CCDC141: variants seen among roughly 807,000 people sequenced by gnomAD.
CCDC141 encodes the protein coiled-coil domain containing 141, also known as coiled-coil domain-containing protein 141.
A neutral mutation model predicts 181.0 loss-of-function variants in CCDC141; 168 were observed. The observed-to-expected ratio is 0.93, with a 90% CI of 0.82 to 1.05. The LOEUF is 1.05. Ranked by LOEUF, CCDC141 falls within the 50% of genes least tolerant of loss-of-function variation. CCDC141 has a pLI of 0.00. For missense variants in CCDC141, 1,902 were observed against 1,788.5 expected, an observed-to-expected ratio of 1.06 and a Z score of -1.14; for synonymous variants, 666 against 642.3, an observed-to-expected ratio of 1.04 and a Z score of -0.56.
chr2:178,950,932 A>C lies in CCDC141; in HGVS notation c.781-6281T>G, dbSNP rs1241561645. ...TCTTCTCACGTCTATATTTCATGAA[A>C]AAATGGCACTAAGGACTTCCCTTCT... On this transcript the variant is annotated intron_variant, in intron 5 of 23. Coordinates refer to ENST00000443758, the MANE Select transcript of CCDC141 (RefSeq NM_173648.4). 2.6e-5 allele frequency among the ~76,000 whole-genome samples: 4 copies of C among 152,224 alleles called. No homozygotes were observed. In the East Asian group the frequency reaches 7.7e-4, roughly 29 times the overall value.
chr2:178,842,660 A>G (rs182576444), intron 22 of CCDC141, among the ~76,000 whole-genome samples: 70 of 152,364 alleles, frequency 4.6e-4, no homozygotes, highest in African/African-American at 1.3e-3. Flanking sequence ...TTTATCTTCC[A>G]AAATACCTCC....
chr2:178,878,185 T>G, intron 11 of CCDC141, 42 bp from the exon 12 acceptor site: 3 of 1,404,364 alleles, frequency 2.1e-6, no homozygotes, highest in Non-Finnish European at 2.9e-6. Context: ...TAAACACATT[T>G]TTTTAAAGAA....
intron 5 of CCDC141, 123 bp from the exon 6 acceptor site, chr2:178,944,774 A>C: frequency 2.3e-6 from 1 of 437,358 alleles, no homozygotes. Context: ...TATATAAACC[A>C]TCTCATGTAT....
At chr2:179,010,629 C>A (rs1415517161) in intron 2 of CCDC141, among the ~76,000 whole-genome samples, 1 of 152,146 alleles carries the variant, frequency 6.6e-6, no homozygotes, top group Non-Finnish European at 1.5e-5. Context: ...CAAGCCACCA[C>A]TACAGGAACT....
At chr2:178,916,501 A>G (rs1482129340) in intron 7 of CCDC141, among the ~76,000 whole-genome samples, 1 of 151,788 alleles carries the variant, frequency 6.6e-6, no homozygotes, top group East Asian at 1.9e-4. Context: ...TTCATCATTT[A>G]TTTTACTTAA....
chr2:178,834,514 G>T, intron 23 of CCDC141, 74 bp from the exon 24 acceptor site: 1 of 1,460,594 alleles, frequency 6.8e-7, no homozygotes, highest in Non-Finnish European at 9.2e-7. Context: ...AATAATGCTT[G>T]CAAATAGGCC....
At chr2:178,822,918 A>T in the CCDC141 span, among the ~76,000 whole-genome samples, 4 of 152,342 alleles carry the variant, frequency 2.6e-5, no homozygotes, top group South Asian at 8.3e-4. Flanking sequence ...ATGTTATTAA[A>T]ATAACCATGT....
chr2:179,044,563 G>A (rs2043423525), intron 2 of CCDC141, among the ~76,000 whole-genome samples: 1 of 152,204 alleles, frequency 6.6e-6, no homozygotes, highest in Non-Finnish European at 1.5e-5. Context: ...AAGTGAGGTA[G>A]CACAAGAGTT....
Position 178,978,621 on chromosome 2 carries a change from C to T in CCDC141, c.280G>A (p.Glu94Lys). The T allele has an allele frequency of 6.5e-7, 1 of 1,548,612 alleles. No homozygotes were observed. Among genetic ancestry groups the T allele is most frequent in the African/African-American group, 1.4e-5 (1 of 72,954 alleles). The part of the protein sequence containing the change: ...LLQEADKTAE[E>K]NKDQSQVYDA... ...TAGACCTGACTCTGATCCTTGTTCTCTTCAGCTGTCTTGTCTGCTTCCTGC... is the reference window on the plus strand; with the variant it reads ...TAGACCTGACTCTGATCCTTGTTCTTTTCAGCTGTCTTGTCTGCTTCCTGC... The change falls in exon 3 of 24, where the codon GAG (glutamate) becomes AAG (lysine). Residue 94 changes from glutamate (E) to lysine (K), a missense_variant. Glu to Lys is a moderately conservative substitution (Grantham distance 56). Transcript: ENST00000443758.
rs1691069615 is a variant in CCDC141, at chr2:178,975,262, C to A, written c.418-97G>T. 8 of 597,532 alleles carry A rather than the reference C, an allele frequency of 1.3e-5. No homozygotes were observed. The East Asian group carries it at 2.3e-4, about 17-fold the overall frequency. 37.0% of individuals were successfully genotyped at this position (597,532 alleles called of 1,614,324 possible). On this transcript the variant is annotated intron_variant, in intron 3 of 23. Transcript: ENST00000443758. Reference sequence around the variant, plus strand: ...GAGATGTTTTTCATAAATTAGTAGCCCAACTGAGGATGTGTGATTATGCAA... The same window carrying A: ...GAGATGTTTTTCATAAATTAGTAGCACAACTGAGGATGTGTGATTATGCAA...
At chr2:179,010,347 A>G (rs2042232259) in intron 2 of CCDC141, among the ~76,000 whole-genome samples, 1 of 152,224 alleles carries the variant, frequency 6.6e-6, no homozygotes, top group Admixed American at 6.5e-5. Context: ...GTGCATTGTC[A>G]TCAAGTTATC....
At position 178,836,987 on chromosome 2, in the gene CCDC141, A is replaced by T. The variant is rs1684502803; in HGVS notation, c.4232T>A (p.Phe1411Tyr). 9 of 1,613,898 alleles carry T rather than the reference A, an allele frequency of 5.6e-6. No homozygotes were observed. Among genetic ancestry groups the T allele is most frequent in the Non-Finnish European group, 7.6e-6 (9 of 1,179,940 alleles). The change falls in exon 23 of 24, where the codon TTC becomes TAC. Residue 1411 changes from phenylalanine (F) to tyrosine (Y), a missense_variant. By Grantham distance (22) the Phe-to-Tyr change is conservative (BLOSUM62 3). Coordinates refer to ENST00000443758, the MANE Select transcript of CCDC141 (RefSeq NM_173648.4). ...AGTTACATTAGACAGGAGCCTGGAG[A>T]AATTAGGTGCCTGGTCAGCTAGGCT... is the stretch of plus-strand genomic sequence containing the variant. ...VVSLADQAPN[F>Y]SRLLSNVTVM...
chr2:178,851,930 A>G (rs1184366006), intron 20 of CCDC141, among the ~76,000 whole-genome samples: 1 of 152,228 alleles, frequency 6.6e-6, no homozygotes, highest in Non-Finnish European at 1.5e-5. Flanking sequence ...GAGTTGATAC[A>G]ATCTTAAAGT....
chr2:179,048,166 G>A (rs1229149734), intron 1 of CCDC141, among the ~76,000 whole-genome samples: 1 of 152,090 alleles, frequency 6.6e-6, no homozygotes, highest in East Asian at 1.9e-4. Context: ...CCACTAACAC[G>A]CATACGCATG....
the CCDC141 span, among the ~76,000 whole-genome samples, chr2:178,822,952 CTGTT>C: frequency 6.6e-6 from 1 of 152,098 alleles, no homozygotes; most frequent in African/African-American, 2.4e-5. Flanking sequence ...TATATGGAGT[CTGTT>C]TGAGCCAACC....
intron 5 of CCDC141, among the ~76,000 whole-genome samples, chr2:178,959,076 A>G (rs1043451597): frequency 6.9e-6 from 1 of 145,298 alleles, no homozygotes; most frequent in Non-Finnish European, 1.5e-5. Flanking sequence ...TCTCACTCAT[A>G]GGTGGGAACT....
At chr2:178,868,678 G>A (rs1671599283) in intron 15 of CCDC141, among the ~76,000 whole-genome samples, 1 of 151,554 alleles carries the variant, frequency 6.6e-6, no homozygotes, top group Non-Finnish European at 1.5e-5. Flanking sequence ...TTGGGGCGGG[G>A]GAGAGGGGGT....
chr2:178,855,261 A>G, intron 19 of CCDC141, 86 bp downstream of exon 19: 1 of 1,049,824 alleles, frequency 9.5e-7, no homozygotes, highest in Non-Finnish European at 1.4e-6. Flanking sequence ...AATGAGAATA[A>G]CAGCTAATGC....
intron 8 of CCDC141, among the ~76,000 whole-genome samples, chr2:178,890,739 C>T (rs1307672544): frequency 2.6e-5 from 4 of 152,114 alleles, no homozygotes; most frequent in Non-Finnish European, 5.9e-5. Flanking sequence ...CCTCTTTGGC[C>T]ATTTGAATAC....
Sources: gnomAD v4.1 joint callset for allele counts (sites outside exome capture counted in the v4.1 genomes callset) on GRCh38, gnomAD v4.1.1 for gene constraint, MANE v1.5 for transcripts, NCBI Gene and HGNC (gene_info 2026-07-23, HGNC 2026-07-21) for gene names.